POU6F2: variants seen among roughly 807,000 people sequenced by gnomAD.
POU6F2 encodes the protein POU class 6 homeobox 2, also known as POU domain, class 6, transcription factor 2.
A neutral mutation model predicts 71.3 loss-of-function variants in POU6F2; 31 were observed. The ratio of observed to expected loss-of-function variants is 0.43; its 90% CI spans 0.33 to 0.59. The LOEUF is 0.59. Among genes scored for constraint, POU6F2 ranks in the 20% least tolerant of loss-of-function variants. The pLI is 0.04. For missense variants in POU6F2, 783 were observed against 856.8 expected (o/e 0.91, Z 1.07); for synonymous variants, 347 against 355.7 (o/e 0.98, Z 0.27).
At chr7:39,392,738 A>G (rs1261092807) in intron 5 of POU6F2, among the ~76,000 whole-genome samples, 1 of 152,180 alleles carries the variant, frequency 6.6e-6, no homozygotes, top group African/African-American at 2.4e-5. Flanking sequence ...GCGAGGCAGG[A>G]CGGCATGACC....
chr7:39,094,830 A>G (rs1382571402), intron 2 of POU6F2, among the ~76,000 whole-genome samples: 1 of 152,202 alleles, frequency 6.6e-6, no homozygotes, highest in African/African-American at 2.4e-5. Context: ...GTAAAGGAGA[A>G]TAAAAAGTCA....
At position 39,339,847 on chromosome 7, in the gene POU6F2, A is replaced by G. The variant is rs985322716; in HGVS notation, c.804A>G (p.Thr268=). 6 of 1,605,046 alleles carry G rather than the reference A, an allele frequency of 3.7e-6. No individual in the cohort carries two copies. The African/African-American group carries it at 6.7e-5, about 18-fold the overall frequency. ...PPASQQPPAP[T]SQLQQAPQPQ... is the part of the protein sequence containing the mutation. ...CCTCTCAGCAGCCGCCAGCTCCTACATCTCAGCTGCAACAGGCGCCTCAGC... is the reference window on the plus strand; with the variant it reads ...CCTCTCAGCAGCCGCCAGCTCCTACGTCTCAGCTGCAACAGGCGCCTCAGC... Residue 268 remains threonine (T), a synonymous_variant, in exon 5 of 10, where the codon ACA becomes ACG. Coordinates refer to ENST00000518318, the MANE Select transcript of POU6F2 (RefSeq NM_001370959.1).
At chr7:39,462,895 G>A (rs1401919692) in intron 9 of POU6F2, among the ~76,000 whole-genome samples, 1 of 152,222 alleles carries the variant, frequency 6.6e-6, no homozygotes, top group Admixed American at 6.5e-5. Context: ...GATCTAAAAT[G>A]TGCTGCCAAA....
intron 4 of POU6F2, among the ~76,000 whole-genome samples, chr7:39,279,424 C>A (rs1379806798): frequency 6.6e-6 from 1 of 152,138 alleles, no homozygotes; most frequent in African/African-American, 2.4e-5. Context: ...AACATCATCC[C>A]ATGGGGTGAT....
At chr7:39,346,903 A>G (rs1786043688) in intron 5 of POU6F2, among the ~76,000 whole-genome samples, 1 of 152,230 alleles carries the variant, frequency 6.6e-6, no homozygotes, top group Admixed American at 6.5e-5. Context: ...AAGCACTTTT[A>G]TCATGATTTG....
intron 1 of POU6F2, among the ~76,000 whole-genome samples, chr7:39,018,532 T>C (rs10265024): frequency 0.03 from 4,592 of 152,246 alleles, 97 homozygotes; most frequent in Non-Finnish European, 0.043. Context: ...TTAGTTAATA[T>C]GTAATCTAAG....
intron 4 of POU6F2, among the ~76,000 whole-genome samples, chr7:39,304,157 TGAAAA>T (rs1211754355): frequency 6.6e-6 from 1 of 151,970 alleles, no homozygotes; most frequent in African/African-American, 2.4e-5. Flanking sequence ...CCCACCGAAA[TGAAAA>T]GATAAAAAAC....
chr7:39,223,477 G>A (rs1343429616), intron 4 of POU6F2, among the ~76,000 whole-genome samples: 2 of 152,148 alleles, frequency 1.3e-5, no homozygotes, highest in Non-Finnish European at 2.9e-5. Flanking sequence ...ACAGTTAAAG[G>A]CTACACTGGA....
chr7:39,034,906 G>A (rs1446284903), intron 1 of POU6F2, among the ~76,000 whole-genome samples: 2 of 151,954 alleles, frequency 1.3e-5, no homozygotes, highest in Non-Finnish European at 2.9e-5. Flanking sequence ...TGAATCAAAA[G>A]TAAGGAAACT....
chr7:39,145,819 C>T (rs904968121), intron 2 of POU6F2, among the ~76,000 whole-genome samples: 1 of 152,052 alleles, frequency 6.6e-6, no homozygotes, highest in Non-Finnish European at 1.5e-5. Context: ...ATAACATAAC[C>T]CATCCTCTAT....
intron 2 of POU6F2, among the ~76,000 whole-genome samples, chr7:39,179,215 G>T (rs1170086928): frequency 3.3e-5 from 5 of 152,228 alleles, no homozygotes. Context: ...CAGAGAGGAT[G>T]CTCCTTCATT....
intron 2 of POU6F2, among the ~76,000 whole-genome samples, chr7:39,123,934 T>C (rs919792429): frequency 6.6e-6 from 1 of 152,126 alleles, no homozygotes; most frequent in Non-Finnish European, 1.5e-5. Context: ...ATAAATTGCA[T>C]AGATGCAATA....
chr7:39,053,854 G>A (rs1249600029), intron 1 of POU6F2, among the ~76,000 whole-genome samples: 7 of 152,062 alleles, frequency 4.6e-5, no homozygotes. Context: ...TGTAATCCGA[G>A]CACTTTGGGA....
At chr7:39,327,906 G>A (rs1226353485) in intron 4 of POU6F2, among the ~76,000 whole-genome samples, 5 of 151,160 alleles carry the variant, frequency 3.3e-5, no homozygotes, top group South Asian at 2.1e-4. Flanking sequence ...GGTCAGTATT[G>A]GATAGAAAAT....
intron 1 of POU6F2, among the ~76,000 whole-genome samples, chr7:39,051,546 A>T (rs1351100616): frequency 1.3e-5 from 2 of 152,274 alleles, no homozygotes; most frequent in East Asian, 1.9e-4. Context: ...CTACAGAAAC[A>T]TTAATCTTGA....
At position 39,466,893 on chromosome 7, in the gene POU6F2, T is replaced by G. The variant is rs1392337163; in HGVS notation, c.*2207T>G. ...CATGGACAACCCAGAAACCCAAAAC[T>G]TTATTGATTAAAACAGATTTTGGAT... On this transcript the variant is annotated 3_prime_UTR_variant, in exon 10 of 10. Transcript: ENST00000518318. 2 of 152,382 alleles carry G rather than the reference T, an allele frequency of 1.3e-5. No homozygotes were observed. The highest frequency in any genetic ancestry group is 6.5e-5 in the Admixed American group (1 of 15,298). The allele number at this position is 152,382 out of a possible 1,614,324, so 9.4% of individuals were successfully genotyped here.
At chr7:39,090,903 T>C (rs569775204) in intron 2 of POU6F2, among the ~76,000 whole-genome samples, 108 of 152,244 alleles carry the variant, frequency 7.1e-4, no homozygotes, top group African/African-American at 2.0e-3. Context: ...AAATCAGTTA[T>C]GGTTTAATAG....
chr7:39,348,130 T>A (rs1786066834), intron 5 of POU6F2, among the ~76,000 whole-genome samples: 1 of 143,998 alleles, frequency 6.9e-6, no homozygotes, highest in South Asian at 2.2e-4. Context: ...AATAAACTCT[T>A]GAGAAAACAA....
chr7:39,025,187 GT>G (rs1179776961), intron 1 of POU6F2, among the ~76,000 whole-genome samples: 1 of 152,158 alleles, frequency 6.6e-6, no homozygotes, highest in East Asian at 1.9e-4. Context: ...TTCAGATCCT[GT>G]TATTGGTCTA....
Sources: allele counts gnomAD v4.1 joint callset (sites outside exome capture counted in the v4.1 genomes callset), GRCh38; gene constraint gnomAD v4.1.1; transcripts MANE v1.5; gene names NCBI Gene and HGNC (gene_info 2026-07-23, HGNC 2026-07-21).